Variants in LILRA1 observed in about 807,000 individuals in gnomAD.
LILRA1 encodes leukocyte immunoglobulin-like receptor subfamily A member 1.
LILRA1 carries 51 observed loss-of-function variants against 51.6 expected under a neutral mutation model. That is an observed-to-expected ratio of 0.99 (90% CI 0.79 to 1.25). The LOEUF (loss-of-function observed/expected upper bound fraction) is 1.25. LILRA1 is among the 50% of genes most tolerant of loss of function. LILRA1 has a pLI of 0.00. For synonymous variants in LILRA1, 305 were observed against 248.4 expected (o/e 1.23, Z -2.14); for missense variants, 660 against 611.7 (o/e 1.08, Z -0.83).
At chr19:54,595,030 C>G (rs1272538364) in intron 4 of LILRA1, 70 bp from the exon 5 acceptor site, 24 of 1,601,846 alleles carry the variant, frequency 1.5e-5, no homozygotes, top group Non-Finnish European at 2.0e-5. Flanking sequence ...ATCTCCCTCT[C>G]ACAGCCCAGC....
Position 54,595,326 on chromosome 19 carries a change from C to T in LILRA1, c.585C>T (p.Tyr195=), listed in dbSNP as rs774125111. The T allele has an allele frequency of 1.2e-6, 2 of 1,614,122 alleles. No individual in the cohort carries two copies. Among genetic ancestry groups the T allele is most frequent in the South Asian group, 2.2e-5 (2 of 91,080 alleles). ...GPVSPSRRWS[Y]RCYAYDSNSP... The stretch of plus-strand genomic sequence containing the variant: ...TGAGCCCGAGTCGCAGGTGGTCGTA[C>T]AGGTGCTATGCTTATGACTCGAACT... Residue 195 remains tyrosine (Y), a synonymous_variant, in exon 5 of 10, where the codon TAC becomes TAT. Coordinates refer to ENST00000251372, the MANE Select transcript of LILRA1 (RefSeq NM_006863.4).
chr19:54,599,480 A>G, intron 8 of LILRA1, 194 bp downstream of exon 8: 1 of 1,245,420 alleles, frequency 8.0e-7, no homozygotes, highest in Non-Finnish European at 1.0e-6. Flanking sequence ...ATAACTATCC[A>G]TGAGAAAGCT....
intron 5 of LILRA1, 70 bp from the exon 6 acceptor site, chr19:54,595,569 C>T (rs1308659537): frequency 2.6e-5 from 40 of 1,559,396 alleles, no homozygotes; most frequent in African/African-American, 4.1e-5. Flanking sequence ...GGTGAGGCCC[C>T]GGGGGAGAGG....
Position 54,593,767 on chromosome 19 carries a change from G to C in LILRA1, c.-63G>C, listed in dbSNP as rs1346514347. The C allele has an allele frequency of 9.6e-6, 11 of 1,143,250 alleles. No homozygotes were observed. In the Admixed American group the frequency reaches 1.7e-4, roughly 18 times the overall value. The allele number at this position is 1,143,250 out of a possible 1,614,324, so 70.8% of individuals were successfully genotyped here. A position where few individuals can be genotyped will look rare whatever the true frequency, so the allele number is the denominator to read the frequency against. On this transcript the variant is annotated 5_prime_UTR_variant, in exon 1 of 10. Coordinates refer to ENST00000251372, the MANE Select transcript of LILRA1 (RefSeq NM_006863.4). ...TCCCTGAAGCATCTCCAGGGCTGGA[G>C]GGACGACTGCCATGGTAAGGACCCC...
chr19:54,595,479 C>T, intron 5 of LILRA1, 77 bp downstream of exon 5: 2 of 1,548,570 alleles, frequency 1.3e-6, no homozygotes, highest in Non-Finnish European at 1.7e-6. Context: ...AGCCACGTCT[C>T]AGGGCAGCTC....
chr19:54,600,113 G>T (rs1438821680), intron 8 of LILRA1, among the ~76,000 whole-genome samples: 1 of 152,106 alleles, frequency 6.6e-6, no homozygotes, highest in African/African-American at 2.4e-5. Flanking sequence ...TGACACTGGG[G>T]AGCCCCTGCA....
In LILRA1 at chr19:54,594,736, T is replaced by C; in HGVS notation, c.142T>C (p.Trp48Arg). 6.9e-7 allele frequency: 1 copy of C among 1,446,184 alleles called. No individual in the cohort carries two copies. Among genetic ancestry groups the C allele is most frequent in the South Asian group, 1.2e-5 (1 of 84,094 alleles). 89.6% of individuals were successfully genotyped at this position (1,446,184 alleles called of 1,614,324 possible). Residue 48 changes from tryptophan to arginine, a missense_variant, in exon 4 of 10, where the codon TGG becomes CGG. Coordinates refer to ENST00000251372, the MANE Select transcript of LILRA1 (RefSeq NM_006863.4). ...VITQGSPVTLWCQGILETQEY... is the reference protein window; with the variant it reads ...VITQGSPVTLRCQGILETQEY... ...CACCCAGGGGAGTCCCGTGACCCTC[T>C]GGTGTCAGGGGATCCTGGAGACCCA...
chr19:54,597,814 C>A (rs1383858241), intron 7 of LILRA1, among the ~76,000 whole-genome samples: 1 of 151,396 alleles, frequency 6.6e-6, no homozygotes, highest in Non-Finnish European at 1.5e-5. Flanking sequence ...GTGAAGTCCA[C>A]CCCGAGCAGA....
In LILRA1 at chr19:54,594,673, C is replaced by T. The variant is rs752713074; in HGVS notation, c.79C>T (p.Pro27Ser). 9.9e-6 allele frequency: 16 copies of T among 1,612,732 alleles called. No homozygotes were observed. Among genetic ancestry groups the T allele is most frequent in the South Asian group, 5.5e-5 (5 of 91,046 alleles). ...PRTHVQAGTL[P>S]KPTLWAEPGS... ...CTCTGATTTCCTTCCAGGGACCCTCCCCAAGCCCACACTCTGGGCTGAGCC... is the reference window on the plus strand; with the variant it reads ...CTCTGATTTCCTTCCAGGGACCCTCTCCAAGCCCACACTCTGGGCTGAGCC... The change falls in exon 4 of 10, where the codon CCC becomes TCC. Residue 27 changes from proline to serine, a missense_variant. Pro to Ser is a moderately conservative substitution (Grantham distance 74, BLOSUM62 -1). Transcript: ENST00000251372.
chr19:54,598,817 T>C (rs777182825), intron 7 of LILRA1, among the ~76,000 whole-genome samples: 5 of 152,138 alleles, frequency 3.3e-5, no homozygotes, highest in Admixed American at 1.3e-4. Context: ...TTTTTTGAGA[T>C]GGAGTTTTGC....
At chr19:54,598,154 C>G (rs1435344583) in intron 7 of LILRA1, among the ~76,000 whole-genome samples, 1 of 151,954 alleles carries the variant, frequency 6.6e-6, no homozygotes, top group Non-Finnish European at 1.5e-5. Context: ...ACTGTATTTT[C>G]TGTACGTATG....
In LILRA1 at chr19:54,596,285, T is replaced by A. The variant is rs1162648836; in HGVS notation, c.1055T>A (p.Phe352Tyr). ...VTLLCQSWGP[F>Y]HTFLLTKAGA... is the part of the protein sequence containing the mutation. ...CTGCTGTGTCAGTCATGGGGGCCGT[T>A]CCACACTTTCCTTCTGACCAAGGCG... is the stretch of plus-strand genomic sequence containing the variant. The change falls in exon 7 of 10, where the codon TTC becomes TAC. Residue 352 changes from phenylalanine to tyrosine, a missense_variant. Physicochemically the swap from Phe to Tyr is conservative, Grantham distance 22. Coordinates refer to ENST00000251372, the MANE Select transcript of LILRA1 (RefSeq NM_006863.4). 2.5e-6 allele frequency: 4 copies of A among 1,613,964 alleles called. No homozygotes were observed. The East Asian group carries it at 8.9e-5, about 36-fold the overall frequency.
chr19:54,595,141 G>T lies in LILRA1; in HGVS notation c.400G>T (p.Val134Leu), dbSNP rs756390146. ...KPTLSALPSP[V>L]VTSGGNVTLH... ...CACCCTCTCAGCTCTACCCAGCCCTGTGGTGACCTCAGGAGGGAACGTGAC... is the reference window on the plus strand; with the variant it reads ...CACCCTCTCAGCTCTACCCAGCCCTTTGGTGACCTCAGGAGGGAACGTGAC... The change falls in exon 5 of 10, where the codon GTG (valine) becomes TTG (leucine). Residue 134 changes from valine (V) to leucine (L), a missense_variant. Coordinates refer to ENST00000251372, the MANE Select transcript of LILRA1 (RefSeq NM_006863.4). 2 of 1,614,012 alleles carry T rather than the reference G, an allele frequency of 1.2e-6. No individual in the cohort carries two copies. Among genetic ancestry groups the T allele is most frequent in the Admixed American group, 1.7e-5 (1 of 60,002 alleles).
At chr19:54,600,154 C>G (rs561115455) in intron 8 of LILRA1, among the ~76,000 whole-genome samples, 8 of 152,202 alleles carry the variant, frequency 5.3e-5, no homozygotes, top group Admixed American at 3.9e-4. Context: ...AGCCTGGGTC[C>G]TCCGCTGGTG....
chr19:54,600,925 C>A lies in LILRA1; in HGVS notation c.*108C>A. ...GGAGGTTCCGGGAGACAATTTAGGG[C>A]TGATGCTATCTGGACTGTCTGCCAA... On this transcript the variant is annotated 3_prime_UTR_variant, in exon 10 of 10. Coordinates refer to ENST00000251372, the MANE Select transcript of LILRA1 (RefSeq NM_006863.4). The A allele has an allele frequency of 1.7e-6, 2 of 1,192,778 alleles. No individual in the cohort carries two copies. The highest frequency in any genetic ancestry group is 1.5e-5 in the African/African-American group (1 of 66,706). 73.9% of individuals were successfully genotyped at this position (1,192,778 alleles called of 1,614,324 possible). A position where few individuals can be genotyped will look rare whatever the true frequency, so the allele number is the denominator to read the frequency against.
At chr19:54,598,593 A>G (rs1049867678) in intron 7 of LILRA1, among the ~76,000 whole-genome samples, 2 of 152,166 alleles carry the variant, frequency 1.3e-5, no homozygotes, top group Non-Finnish European at 2.9e-5. Flanking sequence ...ATATGAAAAA[A>G]GTGCTTTAAA....
intron 1 of LILRA1, 144 bp from the exon 2 acceptor site, chr19:54,594,051 TGA>T (rs2146053468): frequency 1.3e-6 from 1 of 773,052 alleles, no homozygotes; most frequent in East Asian, 2.7e-5. Flanking sequence ...TCTAAAAGAA[TGA>T]GAGTCAGGCT....
At position 54,601,188 on chromosome 19, in the gene LILRA1, T is replaced by G. The variant is rs1311533414; in HGVS notation, c.*371T>G. ...ATGGTGTGTAACACAGTCTTCTTTA[T>G]TACTCATTGCCATACTCCCTGGTGT... On this transcript the variant is annotated 3_prime_UTR_variant, in exon 10 of 10. Transcript: ENST00000251372. 6 of 285,436 alleles carry G rather than the reference T, an allele frequency of 2.1e-5. No individual in the cohort carries two copies. Among genetic ancestry groups the G allele is most frequent in the Non-Finnish European group, 3.3e-5 (5 of 150,216 alleles). 17.7% of individuals were successfully genotyped at this position (285,436 alleles called of 1,614,324 possible).
chr19:54,598,433 G>A (rs1016223111), intron 7 of LILRA1, among the ~76,000 whole-genome samples: 4 of 152,042 alleles, frequency 2.6e-5, no homozygotes, highest in African/African-American at 9.7e-5. Flanking sequence ...ACAATGGCCC[G>A]AGCGAAACTG....
Sources: allele counts gnomAD v4.1 joint callset (sites outside exome capture counted in the v4.1 genomes callset), GRCh38; gene constraint gnomAD v4.1.1; transcripts MANE v1.5; gene names NCBI Gene and HGNC (gene_info 2026-07-23, HGNC 2026-07-21).